Variants in C19orf18 observed in about 807,000 individuals in gnomAD.
The protein encoded by C19orf18 is uncharacterized protein C19orf18.
C19orf18 carries 21 observed loss-of-function variants against 23.3 expected under a neutral mutation model. That is an observed-to-expected ratio of 0.90 (90% CI 0.64 to 1.30). The LOEUF is 1.30. Among genes scored for constraint, C19orf18 ranks in the 50% most tolerant of loss-of-function variants. The probability of loss-of-function intolerance (pLI) is 0.00; values close to 1 mark genes in which losing one functional copy is unlikely to be tolerated. For synonymous variants in C19orf18, 96 were observed against 95.2 expected (o/e 1.01, Z -0.05); for missense variants, 249 against 259.6 (o/e 0.96, Z 0.28).
chr19:57,963,730 AC>A (rs1252287188), intron 4 of C19orf18, among the ~76,000 whole-genome samples: 1 of 152,002 alleles, frequency 6.6e-6, no homozygotes, highest in Non-Finnish European at 1.5e-5. Flanking sequence ...TAATAAAAAT[AC>A]AAAAAAAAAT....
intron 3 of C19orf18, among the ~76,000 whole-genome samples, chr19:57,967,127 T>C (rs981534632): frequency 6.7e-6 from 1 of 150,090 alleles, no homozygotes; most frequent in Admixed American, 6.6e-5. Flanking sequence ...CCATTGGGGA[T>C]TGGGCATCCA....
At position 57,971,538 on chromosome 19, in the gene C19orf18, T is replaced by G. The variant is rs184537134; in HGVS notation, c.268+925A>C. 6.9e-4 allele frequency among the ~76,000 whole-genome samples: 105 copies of G among 152,052 alleles called. No homozygotes were observed. The Middle Eastern group carries it at 0.014, about 20-fold the overall frequency. ...CAGGCTAGAGTGCAGCGACCCAATC[T>G]CAGCTCACTGCAACCTCCACCTCCC... is the stretch of plus-strand genomic sequence containing the variant. On this transcript the variant is annotated intron_variant, in intron 3 of 5. Coordinates refer to ENST00000314391, the MANE Select transcript of C19orf18 (RefSeq NM_152474.5).
chr19:57,968,210 G>C (rs147432060), intron 3 of C19orf18, among the ~76,000 whole-genome samples: 2 of 152,340 alleles, frequency 1.3e-5, no homozygotes, highest in Non-Finnish European at 2.9e-5. Context: ...GACTTCTACT[G>C]TAAGGGTGCT....
At chr19:57,963,137 C>T (rs548765732) in intron 4 of C19orf18, among the ~76,000 whole-genome samples, 2 of 151,510 alleles carry the variant, frequency 1.3e-5, no homozygotes, top group African/African-American at 4.8e-5. Flanking sequence ...AGTGATTCTC[C>T]TGTCTCAGCC....
Position 57,974,133 on chromosome 19 carries a change from C to T in C19orf18, c.192G>A (p.Leu64=). Residue 64 remains leucine, a synonymous_variant, in exon 2 of 6, where the codon TTG becomes TTA. Coordinates refer to ENST00000314391, the MANE Select transcript of C19orf18 (RefSeq NM_152474.5). The part of the protein sequence containing the change: ...EPKVFFHKTQ[L]PGIQGAASRS... The stretch of plus-strand genomic sequence containing the variant: ...TCGAGGCAGCCCCTTGAATCCCAGG[C>T]AACTGGGTTTTATGAAAGAACACTT... The T allele has an allele frequency of 6.2e-7, 1 of 1,614,064 alleles. No homozygotes were observed. Among genetic ancestry groups the T allele is most frequent in the Non-Finnish European group, 8.5e-7 (1 of 1,179,998 alleles).
At chr19:57,962,752 G>C (rs1191541694) in intron 4 of C19orf18, among the ~76,000 whole-genome samples, 1 of 151,884 alleles carries the variant, frequency 6.6e-6, no homozygotes, top group Admixed American at 6.6e-5. Context: ...AGCTACTTGG[G>C]AGGCTGAGGC....
In C19orf18 at chr19:57,966,580, T is replaced by C. The variant is rs112908801; in HGVS notation, c.321A>G (p.Val107=). The change falls in exon 4 of 6, where the codon GTA becomes GTG. Residue 107 remains valine (V), a synonymous_variant. Coordinates refer to ENST00000314391, the MANE Select transcript of C19orf18 (RefSeq NM_152474.5). ...CACATATCAGGGCAATGCTGAAGGCTACGCTCGAAATTAAAATTACTTTAA... is the reference window on the plus strand; with the variant it reads ...CACATATCAGGGCAATGCTGAAGGCCACGCTCGAAATTAAAATTACTTTAA... ...ALVKVILISS[V]AFSIALICGM... 1.2e-6 allele frequency: 2 copies of C among 1,613,546 alleles called. No individual in the cohort carries two copies. The highest frequency in any genetic ancestry group is 1.7e-6 in the Non-Finnish European group (2 of 1,179,568).
intron 3 of C19orf18, among the ~76,000 whole-genome samples, chr19:57,970,115 C>G (rs527930587): frequency 1.3e-5 from 2 of 152,240 alleles, no homozygotes; most frequent in South Asian, 4.2e-4. Context: ...AAACTTAAAG[C>G]TGTTGGAACT....
chr19:57,960,975 C>T (rs553135584), intron 5 of C19orf18, among the ~76,000 whole-genome samples: 127 of 152,190 alleles, frequency 8.3e-4, no homozygotes, highest in South Asian at 5.2e-3. Flanking sequence ...GTCAGGAGAT[C>T]GAGACCATCC....
intron 3 of C19orf18, among the ~76,000 whole-genome samples, chr19:57,967,586 CTACAAAAA>C (rs1225319031): frequency 6.6e-6 from 1 of 152,042 alleles, no homozygotes; most frequent in African/African-American, 2.4e-5. Flanking sequence ...AACCCCAACT[CTACAAAAA>C]TACAAAAATT....
chr19:57,971,983 G>T (rs936192429), intron 3 of C19orf18, among the ~76,000 whole-genome samples: 1 of 152,160 alleles, frequency 6.6e-6, no homozygotes, highest in Non-Finnish European at 1.5e-5. Flanking sequence ...GGTAGGTGGT[G>T]GGGGAGCTGA....
At chr19:57,973,743 A>C (rs1454712513) in intron 2 of C19orf18, among the ~76,000 whole-genome samples, 1 of 151,930 alleles carries the variant, frequency 6.6e-6, no homozygotes, top group Non-Finnish European at 1.5e-5. Flanking sequence ...AAAAAAGAAA[A>C]AAAAGAATTC....
In C19orf18 at chr19:57,972,328, C is replaced by A. The variant is rs142398417; in HGVS notation, c.268+135G>T. 1.9e-3 allele frequency: 1,949 copies of A among 1,029,246 alleles called. 26 individuals are homozygous for A. In the African/African-American group the frequency reaches 0.027, roughly 14 times the overall value. The allele number at this position is 1,029,246 out of a possible 1,614,324, so 63.8% of individuals were successfully genotyped here. ...ACTGCGCATCCCCCTCCAGAGGGGG[C>A]ACCTTGTCTAACACACATGAAGGCA... On this transcript the variant is annotated intron_variant, in intron 3 of 5. Transcript: ENST00000314391.
chr19:57,961,900 TC>T (rs924643320), intron 4 of C19orf18, among the ~76,000 whole-genome samples: 5 of 152,010 alleles, frequency 3.3e-5, no homozygotes, highest in African/African-American at 9.7e-5. Context: ...CTCTTTTTTT[TC>T]CTTTTTCTTT....
intron 5 of C19orf18, among the ~76,000 whole-genome samples, chr19:57,959,881 G>A (rs1232558353): frequency 6.6e-5 from 10 of 151,830 alleles, no homozygotes; most frequent in South Asian, 2.1e-4. Context: ...AGGCCGAGGC[G>A]GGTGGATCAA....
At chr19:57,972,636 ATGTG>A in intron 2 of C19orf18, 132 bp from the exon 3 acceptor site, 1 of 973,234 alleles carries the variant, frequency 1.0e-6, no homozygotes, top group African/African-American at 1.6e-5. Context: ...CTAAGATGGG[ATGTG>A]TTAATACATT....
intron 4 of C19orf18, among the ~76,000 whole-genome samples, chr19:57,966,198 C>T (rs368181414): frequency 1.1e-4 from 16 of 152,130 alleles, no homozygotes; most frequent in African/African-American, 2.2e-4. Context: ...AGGATGGTCT[C>T]GATCTCCTGA....
intron 4 of C19orf18, among the ~76,000 whole-genome samples, chr19:57,965,393 C>A (rs2072901524): frequency 6.6e-6 from 1 of 152,160 alleles, no homozygotes; most frequent in African/African-American, 2.4e-5. Context: ...CCTCAGCCTC[C>A]CAGAGTGCTG....
At chr19:57,973,355 G>T (rs965594864) in intron 2 of C19orf18, among the ~76,000 whole-genome samples, 1 of 151,806 alleles carries the variant, frequency 6.6e-6, no homozygotes, top group African/African-American at 2.4e-5. Context: ...AAAGATTGTC[G>T]GGGTTGGTTT....
Sources: allele counts gnomAD v4.1 joint callset (sites outside exome capture counted in the v4.1 genomes callset), GRCh38; gene constraint gnomAD v4.1.1; transcripts MANE v1.5; gene names NCBI Gene and HGNC (gene_info 2026-07-23, HGNC 2026-07-21).